PCDHGB1: variants seen among roughly 807,000 people sequenced by gnomAD.
The protein encoded by PCDHGB1 is protocadherin gamma subfamily B, 1, also known as protocadherin gamma-B1.
Under a neutral mutation model 56.6 loss-of-function variants are expected in PCDHGB1, and 34 were observed. The ratio of observed to expected loss-of-function variants is 0.60; its 90% CI spans 0.46 to 0.80. The LOEUF is 0.80. PCDHGB1 is among the 30% of genes least tolerant of loss of function. The pLI, the probability that PCDHGB1 is intolerant of heterozygous loss-of-function variation, is 0.00. For missense variants in PCDHGB1, 1,278 were observed against 1,204.6 expected (o/e 1.06, Z -0.90); for synonymous variants, 561 against 505.9 (o/e 1.11, Z -1.46).
Position 141,477,312 on chromosome 5 carries a change from TTACTTC to T in PCDHGB1, c.2410-17493_2410-17488del, listed in dbSNP as rs773034406. Reference sequence around the variant, plus strand: ...GTTCCACCGGGTCTCCCTTTCAGCCTTACTTCTTCCCTCAAGAATTACTTCACTTTG... The same window carrying T: ...GTTCCACCGGGTCTCCCTTTCAGCCTTTCCCTCAAGAATTACTTCACTTTG... On this transcript the variant is annotated intron_variant, in intron 1 of 3. Coordinates refer to ENST00000523390, the MANE Select transcript of PCDHGB1 (RefSeq NM_018922.3). The surrounding 1 kb of genome is among the most constrained non-coding windows in gnomAD (Gnocchi z 4.9). The T allele has an allele frequency of 2.5e-6, 4 of 1,614,162 alleles. No homozygotes were observed. Among genetic ancestry groups the T allele is most frequent in the Non-Finnish European group, 3.4e-6 (4 of 1,180,032 alleles).
chr5:141,360,998 T>C, intron 1 of PCDHGB1: 1 of 1,613,390 alleles, frequency 6.2e-7, no homozygotes, highest in Non-Finnish European at 8.5e-7. Context: ...GACGAACAAG[T>C]GAAACACTTT....
In PCDHGB1 at chr5:141,361,046, A is replaced by T. The variant is rs779477758; in HGVS notation, c.2409+8377A>T. ...GAAAAAACAGGAGAAATCACGACAA[A>T]GGATGATTTGGATTTTGAGATTGCA... On this transcript the variant is annotated intron_variant, in intron 1 of 3. Transcript: ENST00000523390. The T allele has an allele frequency of 7.4e-6, 12 of 1,613,592 alleles. No individual in the cohort carries two copies. The highest frequency in any genetic ancestry group is 9.3e-6 in the Non-Finnish European group (11 of 1,179,716).
At chr5:141,372,897 C>A in intron 1 of PCDHGB1, 1 of 1,104,764 alleles carries the variant, frequency 9.1e-7, no homozygotes, top group Non-Finnish European at 1.3e-6. Flanking sequence ...ATTAAATATT[C>A]CCTGATTACA....
At chr5:141,400,214 C>T in intron 1 of PCDHGB1, 1 of 1,614,042 alleles carries the variant, frequency 6.2e-7, no homozygotes, top group Non-Finnish European at 8.5e-7. Context: ...GCCTTGATCT[C>T]AGTGCTCTTC....
chr5:141,430,882 A>G, intron 1 of PCDHGB1: 3 of 1,601,068 alleles, frequency 1.9e-6, no homozygotes, highest in Non-Finnish European at 2.6e-6. Context: ...AGCTGGAGAA[A>G]GGCTCTAGGG....
intron 1 of PCDHGB1, chr5:141,365,860 C>T (rs1422476891): frequency 6.2e-7 from 1 of 1,614,082 alleles, no homozygotes; most frequent in African/African-American, 1.3e-5. Context: ...TTAACTCTGA[C>T]ACCGGTGTCC....
At position 141,422,099 on chromosome 5, in the gene PCDHGB1, A is replaced by G. The variant is rs374091819; in HGVS notation, c.2409+69430A>G. ...CGGAACATGGAAAGCAAGGCTTCTG[A>G]AATATTCCAATTGGATTCACAAACT... On this transcript the variant is annotated intron_variant, in intron 1 of 3. Transcript: ENST00000523390. 1.9e-6 allele frequency: 3 copies of G among 1,609,706 alleles called. No homozygotes were observed. The African/African-American group carries it at 4.0e-5, about 22-fold the overall frequency.
chr5:141,392,268 A>G (rs2150475407), intron 1 of PCDHGB1: 1 of 152,374 alleles, frequency 6.6e-6, no homozygotes, highest in South Asian at 2.1e-4. Context: ...GACATTTACA[A>G]TAAAGCTTAG....
At chr5:141,372,690 A>G (rs1415110803) in intron 1 of PCDHGB1, 1 of 1,613,948 alleles carries the variant, frequency 6.2e-7, no homozygotes, top group East Asian at 2.2e-5. Context: ...CACCGAGTTT[A>G]AATTTCTCAA....
At chr5:141,385,172 C>T (rs1013319688) in intron 1 of PCDHGB1, 1 of 1,614,092 alleles carries the variant, frequency 6.2e-7, no homozygotes, top group African/African-American at 1.3e-5. Flanking sequence ...CATGAGGTCT[C>T]CCTCACCGCG....
In PCDHGB1 at chr5:141,476,336, C is replaced by A; in HGVS notation, c.2410-18471C>A. 18 of 1,614,008 alleles carry A rather than the reference C, an allele frequency of 1.1e-5. No homozygotes were observed. Among genetic ancestry groups the A allele is most frequent in the Non-Finnish European group, 1.5e-5 (18 of 1,180,008 alleles). ...GTTCCGGGTGGTGTCTGGAGCTAGC[C>A]GAAGATTCTTTGAGGTGAACCGGGA... On this transcript the variant is annotated intron_variant, in intron 1 of 3. Coordinates refer to ENST00000523390, the MANE Select transcript of PCDHGB1 (RefSeq NM_018922.3). The surrounding 1 kb of genome is among the most constrained non-coding windows in gnomAD (Gnocchi z 7.6).
chr5:141,478,418 C>T, intron 1 of PCDHGB1: 1 of 1,613,650 alleles, frequency 6.2e-7, no homozygotes, highest in Non-Finnish European at 8.5e-7. Context: ...GGACTCCCGC[C>T]GCAGCGACCC....
chr5:141,353,305 GTATT>G (rs1179034310), intron 1 of PCDHGB1, among the ~76,000 whole-genome samples: 1 of 152,084 alleles, frequency 6.6e-6, no homozygotes, highest in Admixed American at 6.5e-5. Context: ...CTTTATAAAT[GTATT>G]TAGAGTTCTT....
Position 141,405,365 on chromosome 5 carries a change from C to T in PCDHGB1, c.2409+52696C>T, listed in dbSNP as rs773382376. 2.5e-6 allele frequency: 4 copies of T among 1,613,614 alleles called. No homozygotes were observed. The Admixed American group carries it at 5.0e-5, about 20-fold the overall frequency. On this transcript the variant is annotated intron_variant, in intron 1 of 3. Transcript: ENST00000523390. ...TTCCAAGTTTCCTATAGAAGACACC[C>T]CTTTGGTTCCGGTGAGTTCATTTTT...
chr5:141,478,302 C>T lies in PCDHGB1; in HGVS notation c.2410-16505C>T. On this transcript the variant is annotated intron_variant, in intron 1 of 3. Transcript: ENST00000523390. ...AAGCAGTCTAGAGACCTATACCGAG[C>T]CCCGGTGAGCTCACTGTACCGAACA... 4 of 1,614,070 alleles carry T rather than the reference C, an allele frequency of 2.5e-6. No individual in the cohort carries two copies. Among genetic ancestry groups the T allele is most frequent in the Non-Finnish European group, 3.4e-6 (4 of 1,180,038 alleles).
intron 1 of PCDHGB1, 46 bp downstream of exon 1, chr5:141,352,715 C>A (rs993936789): frequency 1.7e-5 from 26 of 1,538,320 alleles, no homozygotes; most frequent in Admixed American, 3.9e-5. Flanking sequence ...GGCGGCCGGG[C>A]GCGGTGGCTC....
At chr5:141,466,296 A>G (rs2099120415) in intron 1 of PCDHGB1, among the ~76,000 whole-genome samples, 1 of 152,136 alleles carries the variant, frequency 6.6e-6, no homozygotes. Flanking sequence ...TCAGGCTCCC[A>G]AGTAGCTGGG....
rs761668802 is a variant in PCDHGB1, at chr5:141,362,348, G to C, written c.2409+9679G>C. ...GGTCTCAGCTCCAAGCCTGGACCTG[G>C]GGTTCTCCCCAATTACAGTGAGGGT... On this transcript the variant is annotated intron_variant, in intron 1 of 3. Transcript: ENST00000523390. 12 of 1,613,904 alleles carry C rather than the reference G, an allele frequency of 7.4e-6. No homozygotes were observed. The highest frequency in any genetic ancestry group is 1.3e-5 in the African/African-American group (1 of 74,934).
Position 141,491,947 on chromosome 5 carries a change from C to T in PCDHGB1, c.2410-2860C>T. ...GGGGAGGTGGGACCGACCCCCACCCCTACACTCAAAAAAGGCCGGGGCCTC... is the reference window on the plus strand; with the variant it reads ...GGGGAGGTGGGACCGACCCCCACCCTTACACTCAAAAAAGGCCGGGGCCTC... On this transcript the variant is annotated intron_variant, in intron 1 of 3. Coordinates refer to ENST00000523390, the MANE Select transcript of PCDHGB1 (RefSeq NM_018922.3). The surrounding 1 kb of genome is among the most constrained non-coding windows in gnomAD (Gnocchi z 6.9). 1 of 1,114,210 alleles carries T rather than the reference C, an allele frequency of 9.0e-7. No individual in the cohort carries two copies. The highest frequency in any genetic ancestry group is 1.2e-6 in the Non-Finnish European group (1 of 815,758). 69.0% of individuals were successfully genotyped at this position (1,114,210 alleles called of 1,614,324 possible). A position where few individuals can be genotyped will look rare whatever the true frequency, so the allele number is the denominator to read the frequency against.
Sources: gnomAD v4.1 joint callset for allele counts (sites outside exome capture counted in the v4.1 genomes callset) on GRCh38, gnomAD v4.1.1 for gene constraint, Gnocchi (gnomAD v3.1) non-coding constraint, MANE v1.5 for transcripts, NCBI Gene and HGNC (gene_info 2026-07-23, HGNC 2026-07-21) for gene names.